The following SORBS2 variants were observed in gnomAD, a reference collection of about 807,000 sequenced individuals.
SORBS2 encodes the protein sorbin and SH3 domain containing 2, also known as sorbin and SH3 domain-containing protein 2.
A neutral mutation model predicts 97.7 loss-of-function variants in SORBS2; 46 were observed. The observed-to-expected ratio is 0.47, with a 90% CI of 0.37 to 0.60. The LOEUF is 0.60. SORBS2 is among the 20% of genes least tolerant of loss of function. The pLI, the probability that SORBS2 is intolerant of heterozygous loss-of-function variation, is 0.00. For synonymous variants in SORBS2, 476 were observed against 473.4 expected (o/e 1.01, Z -0.07); for missense variants, 1,316 against 1,282.3 (o/e 1.03, Z -0.40).
chr4:185,842,037 G>A (rs1380921417), intron 1 of SORBS2, among the ~76,000 whole-genome samples: 1 of 152,174 alleles, frequency 6.6e-6, no homozygotes, highest in Non-Finnish European at 1.5e-5. Flanking sequence ...CTATCAAAAT[G>A]ACCAATGCTC....
intron 1 of SORBS2, among the ~76,000 whole-genome samples, chr4:185,890,939 T>C (rs1011876235): frequency 2.9e-5 from 2 of 68,776 alleles, no homozygotes; most frequent in Admixed American, 1.5e-4. Flanking sequence ...ACAGAGCTGA[T>C]AGTAAATATT....
chr4:185,767,822 A>C (rs1188383977), intron 2 of SORBS2, among the ~76,000 whole-genome samples: 1 of 152,202 alleles, frequency 6.6e-6, no homozygotes, highest in African/African-American at 2.4e-5. Context: ...ATTGCTCAGC[A>C]GTATTACTAA....
At chr4:185,683,014 C>CAAAAA (rs35410308) in intron 2 of SORBS2, among the ~76,000 whole-genome samples, 6 of 109,434 alleles carry the variant, frequency 5.5e-5, no homozygotes, top group East Asian at 2.5e-4. Flanking sequence ...CCACCCGTCT[C>CAAAAA]AAAAAAAAAA....
Position 185,808,984 on chromosome 4 carries a change from G to A in SORBS2, c.-337-33618C>T, listed in dbSNP as rs544627806. ...AACATACATTGTAAAATTTTCCCTC[G>A]GGAAATTTGGATTTATTATAGGACA... On this transcript the variant is annotated intron_variant, in intron 1 of 20. Coordinates refer to the SORBS2 transcript ENST00000284776. 9.2e-5 allele frequency among the ~76,000 whole-genome samples: 14 copies of A among 152,074 alleles called. 1 individual carries two copies. Among genetic ancestry groups the A allele is most frequent in the South Asian group, 4.2e-4 (2 of 4,812 alleles).
intron 1 of SORBS2, among the ~76,000 whole-genome samples, chr4:185,931,516 A>G (rs564982272): frequency 1.3e-5 from 2 of 152,226 alleles, no homozygotes; most frequent in Admixed American, 1.3e-4. Context: ...GAAAATTACT[A>G]AGTGGGAACA....
At chr4:185,954,527 C>G (rs918250962) in intron 1 of SORBS2, among the ~76,000 whole-genome samples, 15 of 152,214 alleles carry the variant, frequency 9.9e-5, no homozygotes, top group African/African-American at 3.6e-4. Flanking sequence ...ATCAAGCTAG[C>G]ATAATTGATG....
At chr4:185,907,088 A>G (rs1415724600) in intron 1 of SORBS2, among the ~76,000 whole-genome samples, 2 of 151,416 alleles carry the variant, frequency 1.3e-5, no homozygotes, top group African/African-American at 4.9e-5. Flanking sequence ...GTGAGCTGAG[A>G]TGGTGCCACT....
chr4:185,955,993 C>T (rs527285540), intron 1 of SORBS2, among the ~76,000 whole-genome samples: 23 of 152,256 alleles, frequency 1.5e-4, no homozygotes, highest in African/African-American at 5.3e-4. Flanking sequence ...AAGCTCTGTG[C>T]ACAGTCAGCT....
intron 2 of SORBS2, among the ~76,000 whole-genome samples, chr4:185,717,734 C>A (rs1016466841): frequency 2.0e-5 from 3 of 152,184 alleles, no homozygotes; most frequent in African/African-American, 7.2e-5. Context: ...CCTGTATATG[C>A]AGTTATTAGA....
chr4:185,754,400 C>T (rs1283335372), intron 2 of SORBS2, among the ~76,000 whole-genome samples: 1 of 152,082 alleles, frequency 6.6e-6, no homozygotes, highest in East Asian at 1.9e-4. Context: ...CCCCATAACA[C>T]ACAGTAACCC....
chr4:185,616,825 T>C (rs1016987069), intron 9 of SORBS2, among the ~76,000 whole-genome samples: 1 of 152,198 alleles, frequency 6.6e-6, no homozygotes, highest in Non-Finnish European at 1.5e-5. Flanking sequence ...CTTGGCTCAC[T>C]GCAACCTTCA....
chr4:185,611,683 T>C lies in SORBS2; in HGVS notation c.2796+97A>G, dbSNP rs1346383495. On this transcript the variant is annotated intron_variant, in intron 12 of 14. Coordinates refer to ENST00000418609, the Ensembl canonical transcript of SORBS2. ...AATATGTAAATCTCTTTCTCTGCAA[T>C]AGATATGATATTCTAATCTAATATC... The C allele has an allele frequency of 4.3e-5, 39 of 915,252 alleles. No homozygotes were observed. In the East Asian group the frequency reaches 9.5e-4, roughly 22 times the overall value. 56.7% of individuals were successfully genotyped at this position (915,252 alleles called of 1,614,324 possible). A position where few individuals can be genotyped will look rare whatever the true frequency, so the allele number is the denominator to read the frequency against.
intron 1 of SORBS2, among the ~76,000 whole-genome samples, chr4:185,857,454 G>A (rs1201428028): frequency 1.3e-5 from 2 of 152,158 alleles, no homozygotes; most frequent in Admixed American, 6.6e-5. Context: ...AAACATGTGT[G>A]TTTGAACAAT....
At chr4:185,897,984 C>T (rs2099245864) in intron 1 of SORBS2, among the ~76,000 whole-genome samples, 1 of 152,190 alleles carries the variant, frequency 6.6e-6, no homozygotes, top group Admixed American at 6.5e-5. Flanking sequence ...TTGCAGTGAG[C>T]CAAGATCATG....
At chr4:185,737,814 A>G (rs2098697572) in intron 2 of SORBS2, among the ~76,000 whole-genome samples, 1 of 152,206 alleles carries the variant, frequency 6.6e-6, no homozygotes, top group Non-Finnish European at 1.5e-5. Context: ...AAAATGGGAA[A>G]ACAGTTTTAA....
chr4:185,638,959 T>C, intron 4 of SORBS2: 1 of 1,522,810 alleles, frequency 6.6e-7, no homozygotes, highest in Middle Eastern at 1.7e-4. Context: ...ACCAGTGACT[T>C]CTCCGAGTCG....
chr4:185,819,551 A>G (rs1434164195), intron 1 of SORBS2, among the ~76,000 whole-genome samples: 2 of 152,246 alleles, frequency 1.3e-5, no homozygotes, highest in African/African-American at 4.8e-5. Flanking sequence ...ACTGAGAAAC[A>G]AATTGATAAT....
chr4:185,888,995 G>A lies in SORBS2; in HGVS notation c.-338+67201C>T, dbSNP rs1276608449. 2.0e-5 allele frequency among the ~76,000 whole-genome samples: 3 copies of A among 152,226 alleles called. No homozygotes were observed. In the East Asian group the frequency reaches 5.8e-4, roughly 29 times the overall value. ...TTTCCCAGCACACACTCCAGCAGGC[G>A]ACTGCTGTCATTATGCCTTGTGAGG... On this transcript the variant is annotated intron_variant, in intron 1 of 20. Transcript: ENST00000284776.
intron 2 of SORBS2, among the ~76,000 whole-genome samples, chr4:185,650,446 T>C (rs1446904541): frequency 1.3e-5 from 2 of 152,038 alleles, no homozygotes; most frequent in Non-Finnish European, 2.9e-5. Context: ...GCACGGTTAG[T>C]AGAGAGCAAA....
Sources: gnomAD v4.1 joint callset for allele counts (sites outside exome capture counted in the v4.1 genomes callset) on GRCh38, gnomAD v4.1.1 for gene constraint, MANE v1.5 for transcripts, NCBI Gene and HGNC (gene_info 2026-07-23, HGNC 2026-07-21) for gene names.